The following PPP4R2 variants were observed in gnomAD, a reference collection of about 807,000 sequenced individuals.
PPP4R2 encodes serine/threonine-protein phosphatase 4 regulatory subunit 2.
PPP4R2 carries 13 observed loss-of-function variants against 47.2 expected under a neutral mutation model. That is an observed-to-expected ratio of 0.28 (90% confidence interval 0.18 to 0.44). The LOEUF is 0.44. Ranked by LOEUF, PPP4R2 falls within the 20% of genes least tolerant of loss-of-function variation. The pLI is 1.00. For synonymous variants in PPP4R2, 151 were observed against 163.3 expected, an observed-to-expected ratio of 0.92 and a Z score of 0.57; for missense variants, 421 against 491.2, an observed-to-expected ratio of 0.86 and a Z score of 1.35.
At chr3:73,046,949 A>G (rs1005708184) in intron 2 of PPP4R2, among the ~76,000 whole-genome samples, 8 of 152,192 alleles carry the variant, frequency 5.3e-5, no homozygotes, top group Non-Finnish European at 1.2e-4. Context: ...TAGTTCATTT[A>G]AAAGATCTAA....
intron 2 of PPP4R2, among the ~76,000 whole-genome samples, chr3:73,031,474 G>A (rs1459125029): frequency 6.6e-6 from 1 of 152,116 alleles, no homozygotes; most frequent in African/African-American, 2.4e-5. Context: ...ACCAGGAGGT[G>A]GAGGTTGTAG....
intron 2 of PPP4R2, among the ~76,000 whole-genome samples, chr3:73,000,824 C>T (rs1016415919): frequency 1.3e-5 from 2 of 152,066 alleles, no homozygotes; most frequent in African/African-American, 2.4e-5. Context: ...ATATAGTATG[C>T]GCTGAATAAA....
rs538362162 is a variant in PPP4R2, at chr3:73,050,082, A to G, written c.287+2726A>G. Among the ~76,000 whole-genome samples, 8 of 152,186 alleles carry G rather than the reference A, an allele frequency of 5.3e-5. No individual in the cohort carries two copies. In the South Asian group the frequency reaches 1.7e-3, roughly 32 times the overall value. On this transcript the variant is annotated intron_variant, in intron 3 of 8. Transcript: ENST00000356692. ...CAACCTCTCGAGTAGCTGGCATTAC[A>G]GGGTGCATCACCACACCCAGCTATG...
At chr3:73,002,634 CTT>C (rs1173734970) in intron 2 of PPP4R2, among the ~76,000 whole-genome samples, 3 of 41,166 alleles carry the variant, frequency 7.3e-5, no homozygotes, top group Admixed American at 5.4e-4. Flanking sequence ...CTTTTCTTTT[CTT>C]TTTTTTTTTT....
chr3:73,061,117 G>A lies in PPP4R2; in HGVS notation c.419+57G>A, dbSNP rs527787353. ...ATTTACTATATTTAATCATTTTATT[G>A]CTTCTAATATATTATTCTTAAAATA... is the stretch of plus-strand genomic sequence containing the variant. On this transcript the variant is annotated intron_variant, in intron 5 of 8. Transcript: ENST00000356692. 4.1e-5 allele frequency: 31 copies of A among 760,886 alleles called. No individual in the cohort carries two copies. In the East Asian group the frequency reaches 9.2e-4, roughly 22 times the overall value. The allele number at this position is 760,886 out of a possible 1,614,324, so 47.1% of individuals were successfully genotyped here.
At chr3:73,034,229 A>G (rs1176287162) in intron 2 of PPP4R2, among the ~76,000 whole-genome samples, 1 of 152,128 alleles carries the variant, frequency 6.6e-6, no homozygotes. Context: ...TCCTTTTTAT[A>G]AATGTCTTTA....
chr3:73,020,841 T>C (rs1042477868), intron 2 of PPP4R2, among the ~76,000 whole-genome samples: 3 of 152,044 alleles, frequency 2.0e-5, no homozygotes, highest in East Asian at 1.9e-4. Flanking sequence ...CTGGCATAAT[T>C]GGTGTGTCCT....
Position 73,040,980 on chromosome 3 carries a change from A to T in PPP4R2, c.117-6206A>T, listed in dbSNP as rs1157493545. ...AATTTGAAAAATATATTAAAATGTTACTTTAGTGATGATGGTTGACTGCAG... is the reference window on the plus strand; with the variant it reads ...AATTTGAAAAATATATTAAAATGTTTCTTTAGTGATGATGGTTGACTGCAG... On this transcript the variant is annotated intron_variant, in intron 2 of 8. Coordinates refer to ENST00000356692, the MANE Select transcript of PPP4R2 (RefSeq NM_174907.4). 2.0e-5 allele frequency among the ~76,000 whole-genome samples: 3 copies of T among 151,216 alleles called. No homozygotes were observed. The East Asian group carries it at 5.8e-4, about 29-fold the overall frequency.
chr3:73,017,521 G>C (rs1397032713), intron 2 of PPP4R2, among the ~76,000 whole-genome samples: 1 of 152,194 alleles, frequency 6.6e-6, no homozygotes, highest in Admixed American at 6.6e-5. Context: ...TGCTGTCCTT[G>C]AAAGGGAAGA....
At chr3:73,047,532 C>T (rs1453811167) in intron 3 of PPP4R2, among the ~76,000 whole-genome samples, 176 bp downstream of exon 3, 1 of 152,098 alleles carries the variant, frequency 6.6e-6, no homozygotes, top group Admixed American at 6.5e-5. Flanking sequence ...ATATTTGTAG[C>T]CTCTTAAAAA....
At chr3:73,063,937 C>A in intron 6 of PPP4R2, 66 bp from the exon 7 acceptor site, 2 of 1,425,328 alleles carry the variant, frequency 1.4e-6, no homozygotes, top group Non-Finnish European at 1.9e-6. Context: ...GTATTCACAT[C>A]AACATACCTT....
chr3:73,008,344 T>C (rs1002578044), intron 2 of PPP4R2, among the ~76,000 whole-genome samples: 9 of 152,188 alleles, frequency 5.9e-5, no homozygotes, highest in Admixed American at 2.0e-4. Flanking sequence ...AATAAAATTA[T>C]AGTTTTCTTT....
chr3:73,007,893 T>C (rs962951311), intron 2 of PPP4R2, among the ~76,000 whole-genome samples: 1 of 151,864 alleles, frequency 6.6e-6, no homozygotes, highest in Non-Finnish European at 1.5e-5. Context: ...ATACTACCTT[T>C]ATGAATTTTT....
At chr3:73,034,821 C>A (rs1448285558) in intron 2 of PPP4R2, among the ~76,000 whole-genome samples, 1 of 150,612 alleles carries the variant, frequency 6.6e-6, no homozygotes, top group Non-Finnish European at 1.5e-5. Context: ...GCATTGGCTA[C>A]TCTGCCTGGC....
At chr3:73,044,444 G>T (rs1702443252) in intron 2 of PPP4R2, among the ~76,000 whole-genome samples, 1 of 152,136 alleles carries the variant, frequency 6.6e-6, no homozygotes, top group South Asian at 2.1e-4. Context: ...AAGTTAGCTG[G>T]ACGTAGTGGT....
intron 2 of PPP4R2, chr3:73,016,119 A>G (rs983364124): frequency 6.6e-6 from 1 of 152,394 alleles, no homozygotes; most frequent in African/African-American, 2.4e-5. Flanking sequence ...AAATATAAAT[A>G]AAACATTTAA....
At chr3:73,048,086 A>G (rs1702523641) in intron 3 of PPP4R2, among the ~76,000 whole-genome samples, 1 of 152,134 alleles carries the variant, frequency 6.6e-6, no homozygotes, top group Non-Finnish European at 1.5e-5. Context: ...CATGTTAGCC[A>G]GGATGGTCTC....
At chr3:73,017,046 T>C (rs920201392) in intron 2 of PPP4R2, among the ~76,000 whole-genome samples, 1 of 151,998 alleles carries the variant, frequency 6.6e-6, no homozygotes, top group Non-Finnish European at 1.5e-5. Context: ...AGGCTGGTCC[T>C]GAACTCCTGA....
intron 2 of PPP4R2, among the ~76,000 whole-genome samples, chr3:73,039,019 A>G (rs1702323202): frequency 6.6e-6 from 1 of 152,258 alleles, no homozygotes; most frequent in African/African-American, 2.4e-5. Flanking sequence ...GTACTATGCC[A>G]TCTTCAGATA....
Sources: allele counts gnomAD v4.1 joint callset (sites outside exome capture counted in the v4.1 genomes callset), GRCh38; gene constraint gnomAD v4.1.1; transcripts MANE v1.5; gene names NCBI Gene and HGNC (gene_info 2026-07-23, HGNC 2026-07-21).